The following GALNT6 variants were observed in gnomAD, a reference collection of about 807,000 sequenced individuals.
The protein encoded by GALNT6 is polypeptide N-acetylgalactosaminyltransferase 6.
In GALNT6, 51 loss-of-function variants were observed where a neutral mutation model predicts 65.9. That is an observed-to-expected ratio of 0.77 (90% CI 0.62 to 0.98). The LOEUF (loss-of-function observed/expected upper bound fraction) is 0.98, where lower values mean the gene tolerates loss of function less well. Among genes scored for constraint, GALNT6 ranks in the 50% least tolerant of loss-of-function variants. GALNT6 has a pLI of 0.00. For synonymous variants in GALNT6, 323 were observed against 315.1 expected, an observed-to-expected ratio of 1.02 and a Z score of -0.26; for missense variants, 708 against 803.3, an observed-to-expected ratio of 0.88 and a Z score of 1.43.
chr12:51,390,071 G>A (rs1947986866), intron 2 of GALNT6, among the ~76,000 whole-genome samples: 1 of 151,934 alleles, frequency 6.6e-6, no homozygotes, highest in African/African-American at 2.4e-5. Context: ...CACCATTAAG[G>A]AACTGGAGCT....
At chr12:51,372,947 T>C (rs1947335824) in intron 4 of GALNT6, among the ~76,000 whole-genome samples, 1 of 152,246 alleles carries the variant, frequency 6.6e-6, no homozygotes, top group South Asian at 2.1e-4. Context: ...TGTTGGATTT[T>C]CGATTTGCAT....
At chr12:51,366,122 T>C (rs920267344) in intron 4 of GALNT6, among the ~76,000 whole-genome samples, 6 of 152,214 alleles carry the variant, frequency 3.9e-5, no homozygotes, top group Non-Finnish European at 5.9e-5. Context: ...TTCACCATAT[T>C]GGCCAGGCTG....
rs1947598421 is a variant in GALNT6 at position 51,379,716 on chromosome 12, G to A, written c.66C>T (p.Leu22=). Residue 22 remains leucine (L), a synonymous_variant, in exon 3 of 12, where the codon CTC becomes CTT. Coordinates refer to ENST00000356317, the MANE Select transcript of GALNT6 (RefSeq NM_007210.4). The part of the protein sequence containing the change: ...RLAMVGCAFV[L]FLFLLHRDVS... ...CATCCCTATGCAGGAGGAAGAGGAA[G>A]AGCACAAAGGCGCAGCCCACCATGG... 2 of 1,613,886 alleles carry A rather than the reference G, an allele frequency of 1.2e-6. No individual in the cohort carries two copies. The highest frequency in any genetic ancestry group is 4.5e-5 in the East Asian group (2 of 44,876).
At chr12:51,365,691 C>T in intron 4 of GALNT6, 112 bp from the exon 5 acceptor site, 1 of 1,059,670 alleles carries the variant, frequency 9.4e-7, no homozygotes, top group East Asian at 2.5e-5. Context: ...ATTTTAAACC[C>T]CCAACACCTG....
chr12:51,387,258 C>G lies in GALNT6; in HGVS notation c.-104+3592G>C, dbSNP rs927324448. On this transcript the variant is annotated intron_variant, in intron 2 of 11. Coordinates refer to ENST00000356317, the MANE Select transcript of GALNT6 (RefSeq NM_007210.4). The surrounding 1 kb of genome is among the most constrained non-coding windows in gnomAD (Gnocchi z 4.2). ...GATTACAGGCGCCCGCCACCACGTC[C>G]GGCTAATTTTTGTATTTTTTTAGTA... Among the ~76,000 whole-genome samples the G allele has an allele frequency of 6.6e-6, 1 of 152,098 alleles. No homozygotes were observed. The highest frequency in any genetic ancestry group is 2.4e-5 in the African/African-American group (1 of 41,410).
chr12:51,362,635 T>A (rs1177303982), intron 6 of GALNT6, among the ~76,000 whole-genome samples: 3 of 51,668 alleles, frequency 5.8e-5, no homozygotes, highest in Non-Finnish European at 3.7e-5. Flanking sequence ...GTCACTGGCA[T>A]GGGGGTGGGG....
At chr12:51,372,841 G>T (rs1166186372) in intron 4 of GALNT6, among the ~76,000 whole-genome samples, 1 of 152,192 alleles carries the variant, frequency 6.6e-6, no homozygotes, top group East Asian at 1.9e-4. Context: ...CCACGTCCAA[G>T]GCTACGGGAG....
At chr12:51,380,422 C>T (rs1565732752) in intron 2 of GALNT6, among the ~76,000 whole-genome samples, 1 of 152,160 alleles carries the variant, frequency 6.6e-6, no homozygotes, top group Non-Finnish European at 1.5e-5. Context: ...AAGAATGAAC[C>T]ACTTCTCCAT....
chr12:51,384,215 T>C (rs1290944631), intron 2 of GALNT6, among the ~76,000 whole-genome samples: 1 of 152,198 alleles, frequency 6.6e-6, no homozygotes, highest in Non-Finnish European at 1.5e-5. Context: ...CCTGCCTAGA[T>C]TGAACAAATG....
At chr12:51,381,951 T>C (rs2137774890) in intron 2 of GALNT6, among the ~76,000 whole-genome samples, 1 of 152,374 alleles carries the variant, frequency 6.6e-6, no homozygotes, top group South Asian at 2.1e-4. Flanking sequence ...AATGCTATTG[T>C]TTAAACGCAC....
intron 2 of GALNT6, among the ~76,000 whole-genome samples, chr12:51,390,526 T>C (rs1297798354): frequency 6.6e-6 from 1 of 152,248 alleles, no homozygotes; most frequent in East Asian, 1.9e-4. Flanking sequence ...TGAATTTCCC[T>C]GTCTCATCCT....
upstream of GALNT6, chr12:51,391,664 G>C (rs956650252): frequency 6.6e-6 from 1 of 152,190 alleles, no homozygotes; most frequent in Non-Finnish European, 1.5e-5. Flanking sequence ...CCCACCGGAC[G>C]GCCGGGAGGG....
At position 51,353,160 on chromosome 12, in the gene GALNT6, C is replaced by T. The variant is rs1216048276; in HGVS notation, c.*1219G>A. On this transcript the variant is annotated 3_prime_UTR_variant, in exon 12 of 12. Coordinates refer to ENST00000356317, the MANE Select transcript of GALNT6 (RefSeq NM_007210.4). ...CATCTGCTAGCTATGGGACTACAGA[C>T]AAGCCCCTTTACCTGTGTCTCAGTT... The T allele has an allele frequency of 6.6e-6, 1 of 152,244 alleles. No homozygotes were observed. The highest frequency in any genetic ancestry group is 1.5e-5 in the Non-Finnish European group (1 of 68,070). 9.4% of individuals were successfully genotyped at this position (152,244 alleles called of 1,614,324 possible).
chr12:51,369,422 G>T (rs941110755), intron 4 of GALNT6, among the ~76,000 whole-genome samples: 1 of 152,100 alleles, frequency 6.6e-6, no homozygotes, highest in African/African-American at 2.4e-5. Context: ...GCTGAGCATA[G>T]CTGTACCGGT....
intron 3 of GALNT6, among the ~76,000 whole-genome samples, chr12:51,377,772 C>G (rs1192469988): frequency 6.6e-6 from 1 of 152,144 alleles, no homozygotes; most frequent in Non-Finnish European, 1.5e-5. Context: ...TAATAAAGGC[C>G]AAATTTGACA....
chr12:51,379,721 CA>C lies in GALNT6; in HGVS notation c.60del (p.Phe20LeufsTer12). 2 of 1,613,784 alleles carry C rather than the reference CA, an allele frequency of 1.2e-6. No individual in the cohort carries two copies. Among genetic ancestry groups the C allele is most frequent in the Non-Finnish European group, 1.7e-6 (2 of 1,179,992 alleles). On this transcript the variant is annotated frameshift_variant, in exon 3 of 12. Transcript: ENST00000356317. LOFTEE classifies it high-confidence loss of function. ...PLRLAMVGCA[F>X]VLFLFLLHRD... ...CTATGCAGGAGGAAGAGGAAGAGCACAAAGGCGCAGCCCACCATGGCCAGGC... is the reference window on the plus strand; with the variant it reads ...CTATGCAGGAGGAAGAGGAAGAGCACAAGGCGCAGCCCACCATGGCCAGGC...
rs558334724 is a variant in GALNT6, at chr12:51,379,393, G to A, written c.389C>T (p.Thr130Ile). The change falls in exon 3 of 12, where the codon ACC becomes ATC. Residue 130 changes from threonine to isoleucine, a missense_variant. Physicochemically the swap from Thr to Ile is moderately conservative, Grantham distance 89. Transcript: ENST00000356317. ...CTTATAGCCTTCTTCCTTTTCCTGG[G>A]TCTCCAGGGGGGTCCACTTGCTCTT... Reference protein sequence around the residue: ...FQKSKWTPLETQEKEEGYKKH... With the variant: ...FQKSKWTPLEIQEKEEGYKKH... The A allele has an allele frequency of 6.9e-6, 11 of 1,593,332 alleles. No homozygotes were observed. Among genetic ancestry groups the A allele is most frequent in the East Asian group, 4.5e-5 (2 of 44,692 alleles).
At chr12:51,388,358 AAC>A (rs1219842987) in intron 2 of GALNT6, among the ~76,000 whole-genome samples, 3 of 152,178 alleles carry the variant, frequency 2.0e-5, no homozygotes, top group Non-Finnish European at 4.4e-5. Context: ...CTGTGGCAGA[AAC>A]ACAGAGGGGC....
chr12:51,378,522 T>G (rs142554377), intron 3 of GALNT6, among the ~76,000 whole-genome samples: 2 of 152,240 alleles, frequency 1.3e-5, no homozygotes, highest in African/African-American at 4.8e-5. Flanking sequence ...AGGGCTATCA[T>G]ACTTGGCTCA....
Sources: allele counts gnomAD v4.1 joint callset (sites outside exome capture counted in the v4.1 genomes callset), GRCh38; gene constraint gnomAD v4.1.1; non-coding constraint Gnocchi (gnomAD v3.1); transcripts MANE v1.5; gene names NCBI Gene and HGNC (gene_info 2026-07-23, HGNC 2026-07-21).